Variants in STK11IP observed in about 807,000 individuals in gnomAD.
STK11IP encodes serine/threonine-protein kinase 11-interacting protein.
A neutral mutation model predicts 131.7 loss-of-function variants in STK11IP; 103 were observed. That is an observed-to-expected ratio of 0.78 (90% CI 0.67 to 0.92). The LOEUF (loss-of-function observed/expected upper bound fraction) is 0.92, where lower values mean the gene tolerates loss of function less well. Among genes scored for constraint, STK11IP ranks in the 40% least tolerant of loss-of-function variants. The probability of loss-of-function intolerance (pLI) is 0.00; values close to 1 mark genes in which losing one functional copy is unlikely to be tolerated. For synonymous variants in STK11IP, 557 were observed against 575.6 expected, an observed-to-expected ratio of 0.97 and a Z score of 0.46; for missense variants, 1,315 against 1,385.7, an observed-to-expected ratio of 0.95 and a Z score of 0.81.
chr2:219,602,851 A>G lies in STK11IP; in HGVS notation c.618+75A>G. 3 of 1,417,814 alleles carry G rather than the reference A, an allele frequency of 2.1e-6. No homozygotes were observed. The South Asian group carries it at 3.6e-5, about 17-fold the overall frequency. The allele number at this position is 1,417,814 out of a possible 1,614,324, so 87.8% of individuals were successfully genotyped here. A position where few individuals can be genotyped will look rare whatever the true frequency, so the allele number is the denominator to read the frequency against. On this transcript the variant is annotated intron_variant, in intron 7 of 24. Transcript: ENST00000456909. ...CTGCTCTCACTCTCTCTCCTTGACC[A>G]GCTTTTACTCCCACCTTGCTCTTGC...
At chr2:219,609,766 TAA>T (rs1698334990) in intron 17 of STK11IP, 1 of 511,930 alleles carries the variant, frequency 2.0e-6, no homozygotes, top group Non-Finnish European at 3.5e-6. Context: ...TTTTTAACTC[TAA>T]AAGTCAGGAA....
At position 219,614,191 on chromosome 2, in the gene STK11IP, G is replaced by A; in HGVS notation, c.2747G>A (p.Arg916Lys). The A allele has an allele frequency of 6.2e-7, 1 of 1,613,496 alleles. No homozygotes were observed. Among genetic ancestry groups the A allele is most frequent in the Non-Finnish European group, 8.5e-7 (1 of 1,179,754 alleles). The change falls in exon 22 of 25, where the codon AGG (arginine) becomes AAG (lysine). Residue 916 changes from arginine to lysine, a missense_variant. Transcript: ENST00000456909. ...DVLQSLPPAW[R>K]NCVSATEEEV... Reference sequence around the variant, plus strand: ...TTGCAGTCTCTGCCCCCTGCCTGGAGGAACTGTGTCAGTGCCACAGAGGAG... The same window carrying A: ...TTGCAGTCTCTGCCCCCTGCCTGGAAGAACTGTGTCAGTGCCACAGAGGAG...
At position 219,615,226 on chromosome 2, in the gene STK11IP, C is replaced by T. The variant is rs1218566670; in HGVS notation, c.3002C>T (p.Pro1001Leu). The T allele has an allele frequency of 1.4e-5, 23 of 1,595,176 alleles. No individual in the cohort carries two copies. The Admixed American group carries it at 3.8e-4, about 26-fold the overall frequency. ...ASGEASEKVP[P>L]SGPGPAVRVR... ...GGCGAAGCCTCTGAGAAGGTGCCTCCCTCGGGGCCGGGCCCTGCTGTGCGT... is the reference window on the plus strand; with the variant it reads ...GGCGAAGCCTCTGAGAAGGTGCCTCTCTCGGGGCCGGGCCCTGCTGTGCGT... The change falls in exon 24 of 25, where the codon CCC becomes CTC. Residue 1001 changes from proline to leucine, a missense_variant. Transcript: ENST00000456909.
intron 2 of STK11IP, 69 bp downstream of exon 2, chr2:219,598,249 A>G: frequency 8.4e-7 from 1 of 1,190,826 alleles, no homozygotes; most frequent in Non-Finnish European, 1.2e-6. Flanking sequence ...TTCTGGAGAC[A>G]CGCCCTGAGA....
intron 2 of STK11IP, chr2:219,598,480 T>C (rs1697873033): frequency 3.1e-6 from 1 of 326,238 alleles, no homozygotes; most frequent in Non-Finnish European, 5.6e-6. Flanking sequence ...CAGGGACTGA[T>C]CTCGGTCATA....
At position 219,609,356 on chromosome 2, in the gene STK11IP, C is replaced by T. The variant is rs373089584; in HGVS notation, c.1927-7C>T. The T allele has an allele frequency of 4.8e-5, 78 of 1,613,216 alleles. No homozygotes were observed. The African/African-American group carries it at 1.0e-3, about 21-fold the overall frequency. ...CTCACAGCTGCCTCTGATCCACCCT[C>T]TGTCAGGAGCTGCTTGCCGTGTTGA... On this transcript the variant is annotated splice_region_variant and splice_polypyrimidine_tract_variant and intron_variant, in intron 16 of 24. Transcript: ENST00000456909.
Position 219,606,732 on chromosome 2 carries a change from C to A in STK11IP, c.1008C>A (p.Leu336=). 6.2e-7 allele frequency: 1 copy of A among 1,612,208 alleles called. No homozygotes were observed. The highest frequency in any genetic ancestry group is 8.5e-7 in the Non-Finnish European group (1 of 1,178,900). The change falls in exon 12 of 25, where the codon CTC becomes CTA. Residue 336 remains leucine, a synonymous_variant. Coordinates refer to ENST00000456909, the MANE Select transcript of STK11IP (RefSeq NM_052902.4). ...TDFQTHTSLG[L]SPMGPPLPWP... ...GCCAGACTCACACATCCTTGGGGCT[C>A]AGCCCCATGGGCCCACCTTTGCCCT...
intron 5 of STK11IP, 25 bp from the exon 6 acceptor site, chr2:219,602,443 A>G: frequency 6.4e-7 from 1 of 1,574,536 alleles, no homozygotes; most frequent in Non-Finnish European, 8.7e-7. Context: ...GGGTGGGGTA[A>G]TGAAGCACCC....
In STK11IP at chr2:219,616,289, A is replaced by AT. The variant is rs1698566914; in HGVS notation, c.*97dup. 1 of 1,465,194 alleles carries AT rather than the reference A, an allele frequency of 6.8e-7. No individual in the cohort carries two copies. The allele number at this position is 1,465,194 out of a possible 1,614,324, so 90.8% of individuals were successfully genotyped here. A position where few individuals can be genotyped will look rare whatever the true frequency, so the allele number is the denominator to read the frequency against. Reference sequence around the variant, plus strand: ...TCTGGCTTCCAGGCTCTGGCTGTGGATGTCTTCAGCCTCTGGGTGCTGGCC... The same window carrying AT: ...TCTGGCTTCCAGGCTCTGGCTGTGGATTGTCTTCAGCCTCTGGGTGCTGGCC... On this transcript the variant is annotated 3_prime_UTR_variant, in exon 25 of 25. Transcript: ENST00000456909.
chr2:219,612,602 G>A (rs563258508), intron 19 of STK11IP, among the ~76,000 whole-genome samples: 1 of 152,344 alleles, frequency 6.6e-6, no homozygotes, highest in East Asian at 1.9e-4. Context: ...AAGGAGTAGG[G>A]AGGAAAAGAA....
intron 5 of STK11IP, 125 bp downstream of exon 5, chr2:219,602,208 C>T: frequency 1.4e-6 from 1 of 732,460 alleles, no homozygotes; most frequent in Non-Finnish European, 2.3e-6. Context: ...TGTCCTCACT[C>T]CCTCTCTGTG....
intron 2 of STK11IP, among the ~76,000 whole-genome samples, chr2:219,599,439 T>C (rs1043296163): frequency 6.6e-6 from 1 of 152,222 alleles, no homozygotes; most frequent in Non-Finnish European, 1.5e-5. Context: ...AAATGTCTTA[T>C]ATCCTTCTCT....
Position 219,601,562 on chromosome 2 carries a change from T to G in STK11IP, c.268-79T>G, listed in dbSNP as rs931230750. ...ATCCAGAGGGTGTCAGAGGTACCAGTGGTTGTGCTAAGGAAGGAATGTTGA... is the reference window on the plus strand; with the variant it reads ...ATCCAGAGGGTGTCAGAGGTACCAGGGGTTGTGCTAAGGAAGGAATGTTGA... On this transcript the variant is annotated intron_variant, in intron 3 of 24. Coordinates refer to ENST00000456909, the MANE Select transcript of STK11IP (RefSeq NM_052902.4). The G allele has an allele frequency of 3.9e-6, 6 of 1,553,476 alleles. No individual in the cohort carries two copies. In the African/African-American group the frequency reaches 8.2e-5, roughly 21 times the overall value.
chr2:219,601,382 C>G lies in STK11IP; in HGVS notation c.209C>G (p.Pro70Arg), dbSNP rs781749886. ...VALPSHPADS[P>R]VILQLQFLFD... ...CTGCCCTCCCATCCTGCCGACTCCC[C>G]TGTTATTCTTCAGCTTCAGTTTCTC... Residue 70 changes from proline to arginine, a missense_variant, in exon 3 of 25, where the codon CCT (proline) becomes CGT (arginine). Coordinates refer to ENST00000456909, the MANE Select transcript of STK11IP (RefSeq NM_052902.4). 1.7e-5 allele frequency: 27 copies of G among 1,613,942 alleles called. No homozygotes were observed. Among genetic ancestry groups the G allele is most frequent in the Non-Finnish European group, 2.3e-5 (27 of 1,179,904 alleles).
At chr2:219,604,712 G>T (rs1051737317) in intron 7 of STK11IP, among the ~76,000 whole-genome samples, 10 of 152,198 alleles carry the variant, frequency 6.6e-5, no homozygotes, top group African/African-American at 2.4e-4. Flanking sequence ...AGTGGCAACC[G>T]ATGGATTTCT....
chr2:219,605,740 TG>T lies in STK11IP; in HGVS notation c.745+11del. On this transcript the variant is annotated splice_region_variant and intron_variant, in intron 8 of 24. Coordinates refer to ENST00000456909, the MANE Select transcript of STK11IP (RefSeq NM_052902.4). The stretch of plus-strand genomic sequence containing the variant: ...TGAGCTTCGGAGCCTGCATGGTGAG[TG>T]GGGGTGTGTGATGGGGCAAGCATGG... 1 of 1,593,380 alleles carries T rather than the reference TG, an allele frequency of 6.3e-7. No homozygotes were observed. The highest frequency in any genetic ancestry group is 8.5e-7 in the Non-Finnish European group (1 of 1,170,736).
intron 23 of STK11IP, chr2:219,614,779 G>A: frequency 1.5e-6 from 1 of 687,982 alleles, no homozygotes; most frequent in South Asian, 1.6e-5. Flanking sequence ...TTGCTCTCGG[G>A]CCCAGGCTTT....
Position 219,612,065 on chromosome 2 carries a change from G to A in STK11IP, c.2439+7G>A, listed in dbSNP as rs776425036. 6.3e-7 allele frequency: 1 copy of A among 1,591,828 alleles called. No individual in the cohort carries two copies. The highest frequency in any genetic ancestry group is 8.6e-7 in the Non-Finnish European group (1 of 1,169,336). ...GTTCCAGTGCTGCCTCAAGGTCTGT[G>A]CTCCCTGACACTGCCCATGCCCCCA... On this transcript the variant is annotated splice_region_variant and intron_variant, in intron 19 of 24. Transcript: ENST00000456909.
chr2:219,600,042 T>G (rs79781634), intron 2 of STK11IP, among the ~76,000 whole-genome samples: 1,255 of 124,870 alleles, frequency 0.01, 57 homozygotes, highest in Admixed American at 0.075. Flanking sequence ...GCCCTTTGTG[T>G]TTTTTTTTTT....
Sources: gnomAD v4.1 joint callset for allele counts (sites outside exome capture counted in the v4.1 genomes callset) on GRCh38, gnomAD v4.1.1 for gene constraint, MANE v1.5 for transcripts, NCBI Gene and HGNC (gene_info 2026-07-23, HGNC 2026-07-21) for gene names.